CACNA1C: variants seen among roughly 807,000 people sequenced by gnomAD.
The protein encoded by CACNA1C is calcium voltage-gated channel subunit alpha1 C.
Under a neutral mutation model 229.0 loss-of-function variants are expected in CACNA1C, and 30 were observed. That is an observed-to-expected ratio of 0.13 (90% confidence interval 0.10 to 0.18). The LOEUF (loss-of-function observed/expected upper bound fraction) is 0.18. Among genes scored for constraint, CACNA1C ranks in the 10% least tolerant of loss-of-function variants. The pLI is 1.00. For synonymous variants in CACNA1C, 1,114 were observed against 1,132.5 expected, an observed-to-expected ratio of 0.98 and a Z score of 0.33; for missense variants, 1,658 against 2,845.0, an observed-to-expected ratio of 0.58 and a Z score of 9.49.
At chr12:2,188,950 G>A (rs1371849563) in intron 3 of CACNA1C, among the ~76,000 whole-genome samples, 1 of 151,944 alleles carries the variant, frequency 6.6e-6, no homozygotes, top group Non-Finnish European at 1.5e-5. Flanking sequence ...AAAATTAGCC[G>A]GCCGTGGTGG....
intron 3 of CACNA1C, among the ~76,000 whole-genome samples, chr12:2,145,574 T>C (rs1474704524): frequency 6.6e-6 from 1 of 151,390 alleles, no homozygotes; most frequent in Non-Finnish European, 1.5e-5. Context: ...CATCATTTGC[T>C]CATTTTATTA....
chr12:2,323,710 G>A (rs4765922), intron 3 of CACNA1C, among the ~76,000 whole-genome samples: 5,903 of 152,278 alleles, frequency 0.039, 264 homozygotes, highest in African/African-American at 0.11. Context: ...TCCTGTTCCT[G>A]GGTTGTAGCC....
intron 1 of CACNA1C, chr12:1,992,102 A>T: frequency 3.0e-6 from 1 of 336,536 alleles, no homozygotes; most frequent in Non-Finnish European, 6.2e-6. Context: ...CTTTAGTAAT[A>T]AACTACAATT....
Position 2,067,478 on chromosome 12 carries a change from G to GTA in CACNA1C, c.49+13868_49+13869insAT, listed in dbSNP as rs1212902406. Reference sequence around the variant, plus strand: ...TGTGTGTGTGTGTGTGTGTGTGTGTGTGTGCGCGCGTGTGCGTGCCTGTAT... The same window carrying GTA: ...TGTGTGTGTGTGTGTGTGTGTGTGTGTATGTGCGCGCGTGTGCGTGCCTGTAT... On this transcript the variant is annotated intron_variant, in intron 1 of 46. Coordinates refer to ENST00000399655, the MANE Select transcript of CACNA1C (RefSeq NM_000719.7). The surrounding 1 kb of genome is among the most constrained non-coding windows in gnomAD (Gnocchi z 5.3). Among the ~76,000 whole-genome samples the GTA allele has an allele frequency of 2.2e-5, 3 of 134,500 alleles. No individual in the cohort carries two copies. The highest frequency in any genetic ancestry group is 4.8e-5 in the Non-Finnish European group (3 of 62,690). 88.2% of individuals were successfully genotyped at this position (134,500 alleles called of 152,430 possible). A position where few individuals can be genotyped will look rare whatever the true frequency, so the allele number is the denominator to read the frequency against.
At chr12:2,338,686 G>A (rs958803011) in intron 3 of CACNA1C, among the ~76,000 whole-genome samples, 5 of 152,256 alleles carry the variant, frequency 3.3e-5, no homozygotes, top group African/African-American at 7.2e-5. Context: ...AGCAGCGAGC[G>A]ACCCGGTATG....
intron 3 of CACNA1C, among the ~76,000 whole-genome samples, chr12:2,379,428 A>G (rs2098170747): frequency 6.6e-6 from 1 of 152,170 alleles, no homozygotes; most frequent in Non-Finnish European, 1.5e-5. Context: ...AAAGCTTTTA[A>G]CCCTGAGAAT....
At chr12:2,293,583 C>T (rs1289355052) in intron 3 of CACNA1C, among the ~76,000 whole-genome samples, 1 of 152,168 alleles carries the variant, frequency 6.6e-6, no homozygotes, top group Non-Finnish European at 1.5e-5. Context: ...ATTTTTAGCT[C>T]ACCAGCTATC....
At chr12:2,442,907 C>T (rs1468729896) in intron 3 of CACNA1C, among the ~76,000 whole-genome samples, 1 of 152,170 alleles carries the variant, frequency 6.6e-6, no homozygotes, top group Non-Finnish European at 1.5e-5. Context: ...AGGGATCCAT[C>T]CTCATCACCC....
intron 29 of CACNA1C, among the ~76,000 whole-genome samples, chr12:2,619,250 T>C (rs1023126656): frequency 3.3e-5 from 5 of 152,214 alleles, no homozygotes; most frequent in Non-Finnish European, 4.4e-5. Flanking sequence ...TAGCATACTG[T>C]GGTGAGACTG....
At chr12:2,011,151 C>CAAAAAA (rs59227490) in intron 1 of CACNA1C, 15 of 100,612 alleles carry the variant, frequency 1.5e-4, no homozygotes, top group African/African-American at 2.3e-4. Context: ...AACTGAGTCT[C>CAAAAAA]AAAAAAAAAA....
intron 3 of CACNA1C, among the ~76,000 whole-genome samples, chr12:2,431,719 C>T (rs1311849560): frequency 6.6e-6 from 1 of 152,144 alleles, no homozygotes; most frequent in African/African-American, 2.4e-5. Context: ...AGGGTTTGGC[C>T]TGTATGAGAG....
chr12:2,492,511 A>G (rs550106664), intron 6 of CACNA1C, among the ~76,000 whole-genome samples: 5 of 152,370 alleles, frequency 3.3e-5, no homozygotes, highest in South Asian at 2.1e-4. Flanking sequence ...TACAGTCAGT[A>G]GCGTGTACTC....
chr12:2,129,294 G>A (rs1304410142), intron 3 of CACNA1C, among the ~76,000 whole-genome samples: 1 of 152,190 alleles, frequency 6.6e-6, no homozygotes, highest in Non-Finnish European at 1.5e-5. Flanking sequence ...GGATGGGTCT[G>A]TGCTTCATCT....
Position 2,677,838 on chromosome 12 carries a change from T to A in CACNA1C, c.5062T>A (p.Ser1688Thr). The A allele has an allele frequency of 6.2e-7, 1 of 1,613,996 alleles. No individual in the cohort carries two copies. The highest frequency in any genetic ancestry group is 8.5e-7 in the Non-Finnish European group (1 of 1,179,872). The change falls in exon 41 of 47, where the codon TCC becomes ACC. Residue 1688 changes from serine to threonine, a missense_variant. By Grantham distance (58) the Ser-to-Thr change is moderately conservative. Coordinates refer to ENST00000399655, the MANE Select transcript of CACNA1C (RefSeq NM_000719.7). This position sits in a 1 kb window ranked among gnomAD's most constrained non-coding sequence, Gnocchi z 7.4. ...GGACAAGGCCATGAAGGAGGCTGTG[T>A]CCGCTGCTTCTGAAGATGACATCTT... ...ELDKAMKEAV[S>T]AASEDDIFRR...
Position 2,232,227 on chromosome 12 carries a change from GTT to G in CACNA1C, c.477+111821_477+111822del, listed in dbSNP as rs1169407536. ...TGGTGGTAGTTCTCAGTCTTTCCTT[GTT>G]TTTTTTTTTTTTTTTTTTTTTTTGT... On this transcript the variant is annotated intron_variant, in intron 3 of 46. Coordinates refer to ENST00000399655, the MANE Select transcript of CACNA1C (RefSeq NM_000719.7). Among the ~76,000 whole-genome samples the G allele has an allele frequency of 9.3e-3, 681 of 73,542 alleles. 6 individuals are homozygous for G. Among genetic ancestry groups the G allele is most frequent in the African/African-American group, 0.029 (576 of 20,084 alleles). 48.2% of individuals were successfully genotyped at this position (73,542 alleles called of 152,430 possible). A position where few individuals can be genotyped will look rare whatever the true frequency, so the allele number is the denominator to read the frequency against.
intron 1 of CACNA1C, among the ~76,000 whole-genome samples, chr12:2,030,251 C>T (rs1196087029): frequency 6.6e-6 from 1 of 152,082 alleles, no homozygotes; most frequent in Non-Finnish European, 1.5e-5. Flanking sequence ...TTAATCAGGC[C>T]CAATAATTCC....
intron 1 of CACNA1C, among the ~76,000 whole-genome samples, chr12:2,106,628 A>G (rs2078818549): frequency 2.1e-5 from 2 of 93,374 alleles, no homozygotes; most frequent in African/African-American, 3.9e-5. Flanking sequence ...GGCATCCTGA[A>G]GCCACTGGGC....
intron 3 of CACNA1C, among the ~76,000 whole-genome samples, chr12:2,156,227 TG>T (rs2095547268): frequency 6.6e-6 from 1 of 152,234 alleles, no homozygotes; most frequent in African/African-American, 2.4e-5. Flanking sequence ...TCTGGATTGA[TG>T]GTAGTTACAT....
Position 2,665,479 on chromosome 12 carries a change from T to C in CACNA1C, c.4399-102T>C. ...AGGATGGATGACTGGTCTTTAGAAATGTTGGCTTCTGCCATCAGTAGGCCC... is the reference window on the plus strand; with the variant it reads ...AGGATGGATGACTGGTCTTTAGAAACGTTGGCTTCTGCCATCAGTAGGCCC... On this transcript the variant is annotated intron_variant, in intron 35 of 46. Transcript: ENST00000399655. The surrounding 1 kb of genome is among the most constrained non-coding windows in gnomAD (Gnocchi z 5.9). 5.6e-6 allele frequency: 7 copies of C among 1,253,268 alleles called. No homozygotes were observed. The highest frequency in any genetic ancestry group is 8.0e-6 in the Non-Finnish European group (7 of 871,216). 77.6% of individuals were successfully genotyped at this position (1,253,268 alleles called of 1,614,324 possible). A position where few individuals can be genotyped will look rare whatever the true frequency, so the allele number is the denominator to read the frequency against.
Sources: allele counts gnomAD v4.1 joint callset (sites outside exome capture counted in the v4.1 genomes callset), GRCh38; gene constraint gnomAD v4.1.1; non-coding constraint Gnocchi (gnomAD v3.1); transcripts MANE v1.5; gene names NCBI Gene and HGNC (gene_info 2026-07-23, HGNC 2026-07-21).